The following ARHGEF38 variants were observed in gnomAD, a reference collection of about 807,000 sequenced individuals.
ARHGEF38 encodes the protein Rho guanine nucleotide exchange factor 38.
Under a neutral mutation model 79.9 loss-of-function variants are expected in ARHGEF38, and 79 were observed. That is an observed-to-expected ratio of 0.99 (90% confidence interval 0.82 to 1.19). The LOEUF (loss-of-function observed/expected upper bound fraction) is 1.19. ARHGEF38 is among the 50% of genes most tolerant of loss of function. The pLI, the probability that ARHGEF38 is intolerant of heterozygous loss-of-function variation, is 0.00. For synonymous variants in ARHGEF38, 366 were observed against 328.3 expected (o/e 1.11, Z -1.24); for missense variants, 962 against 907.2 (o/e 1.06, Z -0.78).
intron 1 of ARHGEF38, among the ~76,000 whole-genome samples, chr4:105,586,633 C>T (rs1163283661): frequency 6.6e-6 from 1 of 152,156 alleles, no homozygotes; most frequent in African/African-American, 2.4e-5. Flanking sequence ...ATTCCTTTGT[C>T]GACGATCAGG....
At position 105,667,292 on chromosome 4, in the gene ARHGEF38, T is replaced by C; in HGVS notation, c.1853T>C (p.Leu618Pro). Residue 618 changes from leucine to proline, a missense_variant, in exon 12 of 14, where the codon CTG (leucine) becomes CCG (proline). By Grantham distance (98) the Leu-to-Pro change is moderately conservative (BLOSUM62 -3). Transcript: ENST00000420470. ...LVAVIEQKDP[L>P]GSTSRWLVDT... ...GCTGTGATAGAACAGAAAGATCCAC[T>C]GGGGAGTACAAGCAGGTGGCTTGTG... The C allele has an allele frequency of 6.5e-7, 1 of 1,536,174 alleles. No homozygotes were observed. Among genetic ancestry groups the C allele is most frequent in the Non-Finnish European group, 8.7e-7 (1 of 1,146,920 alleles).
intron 6 of ARHGEF38, among the ~76,000 whole-genome samples, chr4:105,647,703 C>T (rs1729909412): frequency 6.6e-6 from 1 of 151,984 alleles, no homozygotes. Context: ...ACACTTTTAC[C>T]AACACTGAAT....
chr4:105,553,396 T>C (rs1725095457), intron 1 of ARHGEF38, among the ~76,000 whole-genome samples: 1 of 152,168 alleles, frequency 6.6e-6, no homozygotes, highest in Non-Finnish European at 1.5e-5. Context: ...ACTATGATTG[T>C]GGTTATCTTA....
At chr4:105,648,759 G>T in intron 7 of ARHGEF38, 77 bp downstream of exon 7, 1 of 1,397,204 alleles carries the variant, frequency 7.2e-7, no homozygotes. Flanking sequence ...TTTGTTTTGT[G>T]AGGACTATTT....
intron 2 of ARHGEF38, among the ~76,000 whole-genome samples, chr4:105,599,980 A>G (rs573089492): frequency 1.8e-4 from 28 of 152,300 alleles, no homozygotes; most frequent in Admixed American, 1.4e-3. Context: ...AGTGTAGACA[A>G]TAAGTGCAAT....
chr4:105,614,999 T>C (rs894663416), intron 3 of ARHGEF38, among the ~76,000 whole-genome samples: 3 of 152,190 alleles, frequency 2.0e-5, no homozygotes, highest in African/African-American at 7.2e-5. Flanking sequence ...TTCTTGAAGA[T>C]GTTATTTGGG....
chr4:105,629,464 C>T (rs1448088567), intron 3 of ARHGEF38, among the ~76,000 whole-genome samples: 2 of 152,022 alleles, frequency 1.3e-5, no homozygotes, highest in South Asian at 2.1e-4. Context: ...ACTAAGGGCA[C>T]TTTTATTTCT....
chr4:105,640,541 G>C lies in ARHGEF38; in HGVS notation c.674+4121G>C, dbSNP rs188541135. Among the ~76,000 whole-genome samples, 3 of 152,204 alleles carry C rather than the reference G, an allele frequency of 2.0e-5. No homozygotes were observed. In the East Asian group the frequency reaches 5.8e-4, roughly 29 times the overall value. ...AGTCCAGTTGGACTGGTGACACCAGGTGCAGCCATCTTGTAGGAATTCCCC... is the reference window on the plus strand; with the variant it reads ...AGTCCAGTTGGACTGGTGACACCAGCTGCAGCCATCTTGTAGGAATTCCCC... On this transcript the variant is annotated intron_variant, in intron 5 of 13. Coordinates refer to ENST00000420470, the MANE Select transcript of ARHGEF38 (RefSeq NM_001242729.2).
At chr4:105,598,360 A>C (rs529033272) in intron 2 of ARHGEF38, among the ~76,000 whole-genome samples, 1 of 152,310 alleles carries the variant, frequency 6.6e-6, no homozygotes, top group South Asian at 2.1e-4. Context: ...AAGATGCCCT[A>C]AAAGCCAGAG....
chr4:105,580,766 G>A (rs930927091), intron 1 of ARHGEF38, among the ~76,000 whole-genome samples: 3 of 152,226 alleles, frequency 2.0e-5, no homozygotes, highest in African/African-American at 7.2e-5. Context: ...AGGCTGGAGT[G>A]CAGTGACACT....
At chr4:105,641,687 C>T (rs1729623783) in intron 5 of ARHGEF38, among the ~76,000 whole-genome samples, 2 of 151,778 alleles carry the variant, frequency 1.3e-5, no homozygotes, top group Admixed American at 1.3e-4. Flanking sequence ...TTTTCCTTCC[C>T]ATTAAGAAAT....
At chr4:105,646,044 T>C (rs1729826989) in intron 6 of ARHGEF38, among the ~76,000 whole-genome samples, 1 of 152,232 alleles carries the variant, frequency 6.6e-6, no homozygotes, top group Non-Finnish European at 1.5e-5. Context: ...CCTCCCTCAG[T>C]GTGATTTGTG....
chr4:105,632,017 A>G (rs1001279146), intron 4 of ARHGEF38, among the ~76,000 whole-genome samples: 1 of 152,148 alleles, frequency 6.6e-6, no homozygotes, highest in Non-Finnish European at 1.5e-5. Context: ...TGATAGGGGA[A>G]AGAGGGATCC....
In ARHGEF38 at chr4:105,673,720, G is replaced by A. The variant is rs144890563; in HGVS notation, c.2149-4032G>A. 2.5e-3 allele frequency among the ~76,000 whole-genome samples: 373 copies of A among 152,232 alleles called. 2 individuals are homozygous for A. Among genetic ancestry groups the A allele is most frequent in the African/African-American group, 8.7e-3 (361 of 41,548 alleles). On this transcript the variant is annotated intron_variant, in intron 13 of 13. Coordinates refer to ENST00000420470, the MANE Select transcript of ARHGEF38 (RefSeq NM_001242729.2). ...GGAAAGAAGGAAGAAAGGAAGAGAG[G>A]AAGATGGGAGGAAGGAAAAGAAGAT...
chr4:105,560,160 T>A (rs1469686423), intron 1 of ARHGEF38, among the ~76,000 whole-genome samples: 1 of 152,336 alleles, frequency 6.6e-6, no homozygotes, highest in Non-Finnish European at 1.5e-5. Flanking sequence ...GTTTTTCACT[T>A]TGGAATATAT....
intron 2 of ARHGEF38, among the ~76,000 whole-genome samples, chr4:105,601,296 C>G (rs1252722273): frequency 4.6e-5 from 7 of 152,124 alleles, no homozygotes; most frequent in Admixed American, 2.6e-4. Flanking sequence ...GAATGCTCTT[C>G]CCCAAAATAA....
intron 13 of ARHGEF38, among the ~76,000 whole-genome samples, chr4:105,673,919 A>T (rs977710789): frequency 6.6e-6 from 1 of 152,310 alleles, no homozygotes; most frequent in African/African-American, 2.4e-5. Context: ...TTTTCATGCA[A>T]TACAACTACC....
intron 1 of ARHGEF38, among the ~76,000 whole-genome samples, chr4:105,581,288 G>T (rs1263717758): frequency 1.3e-5 from 2 of 152,116 alleles, no homozygotes; most frequent in Admixed American, 6.5e-5. Context: ...CTGCTTGCAT[G>T]TAGTTGGCCA....
At chr4:105,664,551 C>A (rs1042671234) in intron 10 of ARHGEF38, among the ~76,000 whole-genome samples, 1 of 152,194 alleles carries the variant, frequency 6.6e-6, no homozygotes, top group Non-Finnish European at 1.5e-5. Context: ...ACAGTTATAG[C>A]ATAGATTTGG....
Sources: gnomAD v4.1 joint callset for allele counts (sites outside exome capture counted in the v4.1 genomes callset) on GRCh38, gnomAD v4.1.1 for gene constraint, MANE v1.5 for transcripts, NCBI Gene and HGNC (gene_info 2026-07-23, HGNC 2026-07-21) for gene names.